EXPH5: variants seen among roughly 807,000 people sequenced by gnomAD.
The protein encoded by EXPH5 is exophilin-5.
Under a neutral mutation model 41.1 loss-of-function variants are expected in EXPH5, and 42 were observed. The observed-to-expected ratio is 1.02, with a 90% CI of 0.80 to 1.32. The LOEUF (loss-of-function observed/expected upper bound fraction) is 1.32. Among genes scored for constraint, EXPH5 ranks in the 40% most tolerant of loss-of-function variants. The pLI, the probability that EXPH5 is intolerant of heterozygous loss-of-function variation, is 0.00. For missense variants in EXPH5, 2,298 were observed against 2,314.5 expected (o/e 0.99, Z 0.15); for synonymous variants, 798 against 833.5 (o/e 0.96, Z 0.73).
At chr11:108,532,603 T>C (rs1565801076) in intron 3 of EXPH5, among the ~76,000 whole-genome samples, 1 of 151,540 alleles carries the variant, frequency 6.6e-6, no homozygotes, top group Non-Finnish European at 1.5e-5. Context: ...CCAGTTTCTC[T>C]TGAAGCAAGG....
chr11:108,596,628 G>A (rs921736794), upstream of EXPH5, among the ~76,000 whole-genome samples: 1 of 152,192 alleles, frequency 6.6e-6, no homozygotes, highest in Non-Finnish European at 1.5e-5. Flanking sequence ...AGACTGGGAA[G>A]TTGTCTGCTT....
Position 108,535,992 on chromosome 11 carries a change from C to G in EXPH5, c.443+3032G>C, listed in dbSNP as rs1409424373. The stretch of plus-strand genomic sequence containing the variant: ...CTGAAATTCTATGTTAGGGGCTGAG[C>G]ACATGTTACATGCACTAGATACCCT... On this transcript the variant is annotated intron_variant, in intron 3 of 5. Transcript: ENST00000265843. Among the ~76,000 whole-genome samples, 6 of 152,272 alleles carry G rather than the reference C, an allele frequency of 3.9e-5. No individual in the cohort carries two copies. In the East Asian group the frequency reaches 1.2e-3, roughly 29 times the overall value.
Position 108,510,492 on chromosome 11 carries a change from A to G in EXPH5, c.5015T>C (p.Leu1672Pro), listed in dbSNP as rs1447695971. Residue 1672 changes from leucine to proline, a missense_variant, in exon 6 of 6, where the codon CTT becomes CCT. Physicochemically the swap from Leu to Pro is moderately conservative, Grantham distance 98. Coordinates refer to ENST00000265843, the MANE Select transcript of EXPH5 (RefSeq NM_015065.3). ...NGKHVKKSEN[L>P]LPITVLPNRE... ...GTTGGGTAGTACAGTAATGGGGAGA[A>G]GGTTCTCGGATTTCTTCACATGCTT... 10 of 1,613,932 alleles carry G rather than the reference A, an allele frequency of 6.2e-6. No individual in the cohort carries two copies. The highest frequency in any genetic ancestry group is 8.5e-6 in the Non-Finnish European group (10 of 1,180,032).
intron 1 of EXPH5, among the ~76,000 whole-genome samples, chr11:108,562,094 G>C (rs2094014325): frequency 6.6e-6 from 1 of 152,130 alleles, no homozygotes; most frequent in Non-Finnish European, 1.5e-5. Flanking sequence ...CCCATCCCTT[G>C]AGGAAACTGC....
At position 108,508,216 on chromosome 11, in the gene EXPH5, C is replaced by T. The variant is rs2093654969; in HGVS notation, c.*1321G>A. Reference sequence around the variant, plus strand: ...AAAAACAAAACAAAACAAAAAAAGACTGGGCATGGTAGCTCATGCCTGTAA... The same window carrying T: ...AAAAACAAAACAAAACAAAAAAAGATTGGGCATGGTAGCTCATGCCTGTAA... On this transcript the variant is annotated 3_prime_UTR_variant, in exon 6 of 6. Coordinates refer to ENST00000265843, the MANE Select transcript of EXPH5 (RefSeq NM_015065.3). The T allele has an allele frequency of 6.5e-6, 1 of 152,716 alleles. No individual in the cohort carries two copies. Among genetic ancestry groups the T allele is most frequent in the Non-Finnish European group, 1.5e-5 (1 of 68,710 alleles). The allele number at this position is 152,716 out of a possible 1,614,324, so 9.5% of individuals were successfully genotyped here.
At chr11:108,556,293 T>C (rs2093989602) in intron 1 of EXPH5, among the ~76,000 whole-genome samples, 1 of 152,180 alleles carries the variant, frequency 6.6e-6, no homozygotes, top group Non-Finnish European at 1.5e-5. Flanking sequence ...GCTGTCTTTT[T>C]TTTTTTTGGA....
the EXPH5 span, among the ~76,000 whole-genome samples, chr11:108,604,091 A>G: frequency 6.6e-6 from 1 of 152,086 alleles, no homozygotes; most frequent in Non-Finnish European, 1.5e-5. Flanking sequence ...GTTTTTCTAC[A>G]TTTAATTGAA....
chr11:108,543,186 C>T (rs568521399), intron 1 of EXPH5, among the ~76,000 whole-genome samples: 6 of 152,134 alleles, frequency 3.9e-5, no homozygotes, highest in Non-Finnish European at 7.3e-5. Context: ...AACATGTGGC[C>T]TGAAATCCTA....
chr11:108,584,473 GTC>G (rs1190235992), intron 1 of EXPH5, among the ~76,000 whole-genome samples: 1 of 149,922 alleles, frequency 6.7e-6, no homozygotes, highest in Non-Finnish European at 1.5e-5. Context: ...GAGAGACCCT[GTC>G]TCAAAAAAAA....
At position 108,509,866 on chromosome 11, in the gene EXPH5, A is replaced by T. The variant is rs1449065631; in HGVS notation, c.5641T>A (p.Tyr1881Asn). 6.2e-7 allele frequency: 1 copy of T among 1,611,424 alleles called. No homozygotes were observed. The highest frequency in any genetic ancestry group is 1.7e-5 in the Admixed American group (1 of 59,356). Residue 1881 changes from tyrosine to asparagine, a missense_variant, in exon 6 of 6, where the codon TAC becomes AAC. Coordinates refer to ENST00000265843, the MANE Select transcript of EXPH5 (RefSeq NM_015065.3). ...KTGPRSAISI[Y>N]RPIDYGIFGK... ...AAGATCCCATAGTCGATAGGTCTGT[A>T]TATAGATATTGCAGACCTGGGACCT...
chr11:108,514,467 G>A lies in EXPH5; in HGVS notation c.1040C>T (p.Thr347Ile). 2 of 1,613,524 alleles carry A rather than the reference G, an allele frequency of 1.2e-6. No individual in the cohort carries two copies. The highest frequency in any genetic ancestry group is 1.7e-6 in the Non-Finnish European group (2 of 1,179,748). ...TATAAACCCACTCTTGCTCTGAGTT[G>A]TGGCTGGAAAATGTAAGCTTCTTGC... ...FTARSLHFPA[T>I]TQSKSGFIPP... The change falls in exon 6 of 6, where the codon ACA becomes ATA. Residue 347 changes from threonine to isoleucine, a missense_variant. Thr to Ile is a moderately conservative substitution (Grantham distance 89). Transcript: ENST00000265843.
intron 4 of EXPH5, among the ~76,000 whole-genome samples, chr11:108,521,948 AACAGAGGGGTC>A (rs2093767605): frequency 6.6e-6 from 1 of 152,170 alleles, no homozygotes; most frequent in Non-Finnish European, 1.5e-5. Context: ...AAAGTACATG[AACAGAGGGGTC>A]ACGTGAAGAG....
chr11:108,588,746 A>G (rs1222712788), intron 1 of EXPH5, among the ~76,000 whole-genome samples: 1 of 152,222 alleles, frequency 6.6e-6, no homozygotes, highest in East Asian at 1.9e-4. Context: ...ATAAAAAAAT[A>G]TGAAAGACTT....
Position 108,538,983 on chromosome 11 carries a change from G to A in EXPH5, c.443+41C>T, listed in dbSNP as rs201985960. The stretch of plus-strand genomic sequence containing the variant: ...AAACAGGCTGCTGGCCTCTGATATC[G>A]GATAACAAATGGGCCGTAACATGAC... On this transcript the variant is annotated intron_variant, in intron 3 of 5. Transcript: ENST00000265843. 39 of 1,479,358 alleles carry A rather than the reference G, an allele frequency of 2.6e-5. No homozygotes were observed. In the African/African-American group the frequency reaches 3.3e-4, roughly 12 times the overall value. The allele number at this position is 1,479,358 out of a possible 1,614,324, so 91.6% of individuals were successfully genotyped here.
chr11:108,581,248 G>T (rs1265300137), intron 1 of EXPH5, among the ~76,000 whole-genome samples: 1 of 152,008 alleles, frequency 6.6e-6, no homozygotes, highest in Non-Finnish European at 1.5e-5. Flanking sequence ...AGGTTGCAGT[G>T]AGCCCAGATT....
chr11:108,588,149 G>C (rs1033165611), intron 1 of EXPH5, among the ~76,000 whole-genome samples: 47 of 152,198 alleles, frequency 3.1e-4, no homozygotes, highest in African/African-American at 1.1e-3. Flanking sequence ...CATTTTAACA[G>C]TATAAAGTCT....
At chr11:108,579,538 T>TA (rs546161233) in intron 1 of EXPH5, among the ~76,000 whole-genome samples, 5,841 of 137,110 alleles carry the variant, frequency 0.043, 109 homozygotes, top group Middle Eastern at 0.051. Flanking sequence ...AGTTTGGAAG[T>TA]AAAAAAAAAA....
chr11:108,521,605 C>A (rs1312725163), intron 4 of EXPH5, among the ~76,000 whole-genome samples: 1 of 152,142 alleles, frequency 6.6e-6, no homozygotes, highest in African/African-American at 2.4e-5. Flanking sequence ...TCAAACTAAT[C>A]ATTTGAGAAA....
At chr11:108,519,607 G>A (rs2093750910) in intron 4 of EXPH5, among the ~76,000 whole-genome samples, 1 of 151,990 alleles carries the variant, frequency 6.6e-6, no homozygotes, top group African/African-American at 2.4e-5. Context: ...AATTAGCTGG[G>A]TGTGGTGGCG....
Sources: allele counts gnomAD v4.1 joint callset (sites outside exome capture counted in the v4.1 genomes callset), GRCh38; gene constraint gnomAD v4.1.1; transcripts MANE v1.5; gene names NCBI Gene and HGNC (gene_info 2026-07-23, HGNC 2026-07-21).